Variants in SOD2 observed in about 807,000 individuals in gnomAD.
SOD2 encodes superoxide dismutase [Mn], mitochondrial.
A neutral mutation model predicts 27.0 loss-of-function variants in SOD2; 11 were observed. The ratio of observed to expected loss-of-function variants is 0.41; its 90% CI spans 0.26 to 0.67. SOD2 has a LOEUF of 0.67. SOD2 is among the 30% of genes least tolerant of loss of function. The probability of loss-of-function intolerance (pLI) is 0.34; values close to 1 mark genes in which losing one functional copy is unlikely to be tolerated. For synonymous variants in SOD2, 105 were observed against 103.0 expected (o/e 1.02, Z -0.12); for missense variants, 250 against 274.5 (o/e 0.91, Z 0.63).
intron 1 of SOD2, among the ~76,000 whole-genome samples, chr6:159,710,755 ATACTGCTCTGACCT>A (rs1562436372): frequency 2.1e-5 from 3 of 144,660 alleles, no homozygotes; most frequent in African/African-American, 7.6e-5. Context: ...ACCACCACTC[ATACTGCTCTGACCT>A]CCATAACCAC....
intron 1 of SOD2, among the ~76,000 whole-genome samples, chr6:159,735,135 T>G (rs1300177666): frequency 2.0e-5 from 3 of 152,156 alleles, no homozygotes; most frequent in Non-Finnish European, 4.4e-5. Flanking sequence ...TACATGTGTA[T>G]GTGAGTTTTT....
chr6:159,754,864 CAT>C (rs2114961177), intron 1 of SOD2, among the ~76,000 whole-genome samples: 1 of 152,272 alleles, frequency 6.6e-6, no homozygotes, highest in South Asian at 2.1e-4. Flanking sequence ...CAAACTCAGT[CAT>C]ATTTTAAGAT....
intron 1 of SOD2, chr6:159,736,671 A>G (rs1778938274): frequency 6.3e-6 from 1 of 159,868 alleles, no homozygotes; most frequent in Non-Finnish European, 1.4e-5. Context: ...TTCTTTTCCT[A>G]GTGTAAATCC....
At chr6:159,689,331 T>C (rs1439688112) in intron 2 of SOD2, among the ~76,000 whole-genome samples, 4 of 152,136 alleles carry the variant, frequency 2.6e-5, no homozygotes, top group South Asian at 4.1e-4. Context: ...CTAGCCACCA[T>C]ACATGAATTA....
At chr6:159,761,376 T>G (rs1780120205) in exon 1 of SOD2, 2 of 352,412 alleles carry the variant, frequency 5.7e-6, no homozygotes, top group African/African-American at 4.3e-5. Flanking sequence ...TGTCCAAACG[T>G]CAACCAAAGG....
intron 1 of SOD2, chr6:159,738,933 A>G (rs1779080275): frequency 1.0e-5 from 14 of 1,341,102 alleles, no homozygotes; most frequent in African/African-American, 2.9e-5. Context: ...AGGTCTCATT[A>G]TAGAACTTTG....
chr6:159,684,939 A>C lies in SOD2; in HGVS notation c.438T>G (p.Gly146=). ...TAASVGVQGS[G]WGWLGFNKER... ...CCTTATTGAAACCAAGCCAACCCCAACCTGAGCCTTGGACACCAACAGATG... is the reference window on the plus strand; with the variant it reads ...CCTTATTGAAACCAAGCCAACCCCACCCTGAGCCTTGGACACCAACAGATG... The change falls in exon 4 of 5, where the codon GGT becomes GGG. Residue 146 remains glycine (G), a synonymous_variant. Transcript: ENST00000538183. 1.9e-6 allele frequency: 3 copies of C among 1,613,682 alleles called. 1 individual carries two copies. The highest frequency in any genetic ancestry group is 2.5e-6 in the Non-Finnish European group (3 of 1,179,838).
chr6:159,713,811 G>T, intron 1 of SOD2: 1 of 1,057,584 alleles, frequency 9.5e-7, no homozygotes, highest in Non-Finnish European at 1.5e-6. Flanking sequence ...GCAGATTCAA[G>T]TTCAACAAAT....
chr6:159,685,852 T>C lies in SOD2; in HGVS notation c.344-819A>G, dbSNP rs5746121. 1.8e-3 allele frequency among the ~76,000 whole-genome samples: 270 copies of C among 152,348 alleles called. 1 individual carries two copies. Among genetic ancestry groups the C allele is most frequent in the African/African-American group, 6.2e-3 (259 of 41,580 alleles). The stretch of plus-strand genomic sequence containing the variant: ...CAGCTGCGTAGTTCACATTTTTTAA[T>C]GAATCGTGTTAGAGGGATTTCCCCA... On this transcript the variant is annotated intron_variant, in intron 3 of 4. Transcript: ENST00000538183.
At chr6:159,690,338 T>C (rs1780398832) in intron 2 of SOD2, among the ~76,000 whole-genome samples, 1 of 149,638 alleles carries the variant, frequency 6.7e-6, no homozygotes, top group Non-Finnish European at 1.5e-5. Context: ...GGCTCACACC[T>C]GTAATCCCAG....
upstream of SOD2, among the ~76,000 whole-genome samples, chr6:159,694,322 CT>C (rs1180645365): frequency 6.6e-6 from 1 of 152,190 alleles, no homozygotes; most frequent in African/African-American, 2.4e-5. Flanking sequence ...GGAGTTGCCC[CT>C]TTATTGAAAA....
rs750073120 is a variant in SOD2, at chr6:159,702,654, CAAA to C, written c.-115-9794_-115-9792del. Among the ~76,000 whole-genome samples the C allele has an allele frequency of 4.0e-4, 16 of 39,852 alleles. No homozygotes were observed. In the East Asian group the frequency reaches 5.2e-3, roughly 13 times the overall value. The allele number at this position is 39,852 out of a possible 152,430, so 26.1% of individuals were successfully genotyped here. A position where few individuals can be genotyped will look rare whatever the true frequency, so the allele number is the denominator to read the frequency against. The stretch of plus-strand genomic sequence containing the variant: ...GCAATACAGGGAAGCTCTATCTCTC[CAAA>C]AAAAAAAAAAAAAAAAAAAAAAGAA... On this transcript the variant is annotated intron_variant, in intron 1 of 2. Transcript: ENST00000401980.
At chr6:159,721,168 T>C (rs1209966131) in intron 1 of SOD2, among the ~76,000 whole-genome samples, 3 of 150,910 alleles carry the variant, frequency 2.0e-5, no homozygotes, top group Admixed American at 6.6e-5. Flanking sequence ...CCTGGGTTCA[T>C]GCCATTCTCC....
intron 1 of SOD2, chr6:159,755,653 G>T: frequency 6.6e-7 from 1 of 1,517,578 alleles, no homozygotes; most frequent in South Asian, 1.3e-5. Context: ...TTTAATTTGG[G>T]AGAGGATACT....
At chr6:159,720,180 G>A (rs192128843) in intron 1 of SOD2, among the ~76,000 whole-genome samples, 2 of 151,594 alleles carry the variant, frequency 1.3e-5, no homozygotes, top group South Asian at 2.1e-4. Context: ...ACAGACGCCC[G>A]CCACCACGCC....
At chr6:159,761,410 C>A (rs1780121076) in exon 1 of SOD2, 1 of 397,468 alleles carries the variant, frequency 2.5e-6, no homozygotes. Flanking sequence ...CTAAGACGCT[C>A]CCGGCGTCCT....
At chr6:159,719,743 TG>T (rs1365358944) in intron 1 of SOD2, among the ~76,000 whole-genome samples, 1 of 150,994 alleles carries the variant, frequency 6.6e-6, no homozygotes, top group Admixed American at 6.6e-5. Flanking sequence ...TTTTTTTTTT[TG>T]AGAGAGTCTT....
intron 1 of SOD2, among the ~76,000 whole-genome samples, chr6:159,706,704 A>G (rs1192543329): frequency 2.6e-5 from 4 of 152,208 alleles, no homozygotes; most frequent in Non-Finnish European, 2.9e-5. Flanking sequence ...CATTAGACAG[A>G]TCAACGAGAC....
intron 1 of SOD2, among the ~76,000 whole-genome samples, chr6:159,753,834 T>C (rs1411323067): frequency 6.6e-6 from 1 of 152,206 alleles, no homozygotes; most frequent in Non-Finnish European, 1.5e-5. Context: ...TGTTCAAAAT[T>C]TCTTACATTT....
Sources: gnomAD v4.1 joint callset for allele counts (sites outside exome capture counted in the v4.1 genomes callset) on GRCh38, gnomAD v4.1.1 for gene constraint, MANE v1.5 for transcripts, NCBI Gene and HGNC (gene_info 2026-07-23, HGNC 2026-07-21) for gene names.